Variants in DCP1B observed in about 807,000 individuals in gnomAD.
The protein encoded by DCP1B is decapping mRNA 1B, also known as mRNA-decapping enzyme 1B.
DCP1B carries 47 observed loss-of-function variants against 60.5 expected under a neutral mutation model. The observed-to-expected ratio is 0.78, with a 90% CI of 0.61 to 0.99. DCP1B has a LOEUF of 0.99. Among genes scored for constraint, DCP1B ranks in the 50% least tolerant of loss-of-function variants. The pLI is 0.00. For missense variants in DCP1B, 725 were observed against 756.8 expected (o/e 0.96, Z 0.49); for synonymous variants, 267 against 280.3 (o/e 0.95, Z 0.47).
intron 6 of DCP1B, 83 bp from the exon 7 acceptor site, chr12:1,953,371 T>A: frequency 7.3e-7 from 1 of 1,377,222 alleles, no homozygotes; most frequent in Non-Finnish European, 9.7e-7. Context: ...ACTTATCTGA[T>A]GACTTATTCT....
intron 6 of DCP1B, among the ~76,000 whole-genome samples, chr12:1,954,642 T>C (rs113973903): frequency 0.027 from 4,139 of 152,120 alleles, 95 homozygotes; most frequent in Middle Eastern, 0.055. Flanking sequence ...TTTTATACCA[T>C]TCCTTTGGAC....
chr12:2,004,177 G>A lies in DCP1B; in HGVS notation c.150+105C>T, dbSNP rs775960462. The A allele has an allele frequency of 4.7e-6, 7 of 1,501,366 alleles. No individual in the cohort carries two copies. The African/African-American group carries it at 9.7e-5, about 21-fold the overall frequency. The allele number at this position is 1,501,366 out of a possible 1,614,324, so 93.0% of individuals were successfully genotyped here. On this transcript the variant is annotated intron_variant, in intron 1 of 8. Transcript: ENST00000280665. The stretch of plus-strand genomic sequence containing the variant: ...GTCCCCAGATCCACCCACTTCCAGG[G>A]CGTCAACGTCTCCTCCCCCTCACCG...
intron 1 of DCP1B, among the ~76,000 whole-genome samples, chr12:1,998,944 T>TA (rs751702369): frequency 1.7e-4 from 26 of 152,272 alleles, no homozygotes; most frequent in Non-Finnish European, 2.9e-4. Flanking sequence ...TACGCCCTTT[T>TA]AAAAAAAGCG....
rs549248653 is a variant in DCP1B at position 1,954,892 on chromosome 12, T to G, written c.651+540A>C. On this transcript the variant is annotated intron_variant, in intron 6 of 8. Transcript: ENST00000280665. ...TGTTTTTGTTTTCTGAGACATGGTC[T>G]TGCTTTCTTGCCCAGGCTGGAGTGC... 9.8e-5 allele frequency among the ~76,000 whole-genome samples: 15 copies of G among 152,338 alleles called. No individual in the cohort carries two copies. The East Asian group carries it at 1.7e-3, about 18-fold the overall frequency.
intron 2 of DCP1B, among the ~76,000 whole-genome samples, chr12:1,997,533 A>G (rs2041231816): frequency 6.6e-6 from 1 of 152,240 alleles, no homozygotes; most frequent in South Asian, 2.1e-4. Flanking sequence ...TCTCAAAAAA[A>G]AGAAAAATGA....
chr12:2,004,438 T>A lies in DCP1B; in HGVS notation c.-7A>T, dbSNP rs1565896999. ...CTGCCGCCACGGCTGCCATCTTCCC[T>A]CCCTCCCAGACATAGGCACGGGGCT... On this transcript the variant is annotated 5_prime_UTR_variant, in exon 1 of 9. Transcript: ENST00000280665. The A allele has an allele frequency of 6.2e-7, 1 of 1,605,234 alleles. No homozygotes were observed. Among genetic ancestry groups the A allele is most frequent in the South Asian group, 1.1e-5 (1 of 89,644 alleles).
intron 7 of DCP1B, chr12:1,950,325 G>A (rs993347816): frequency 2.1e-5 from 15 of 702,276 alleles, no homozygotes; most frequent in Admixed American, 1.2e-4. Flanking sequence ...TGAGCACAGC[G>A]TGGGCTGCTG....
chr12:1,943,274 A>G (rs574349145), downstream of DCP1B, among the ~76,000 whole-genome samples: 4 of 152,224 alleles, frequency 2.6e-5, no homozygotes, highest in Non-Finnish European at 4.4e-5. Flanking sequence ...GAATAGGCCA[A>G]TAACAAGTTC....
At chr12:1,999,255 ACT>A (rs2041631836) in intron 1 of DCP1B, among the ~76,000 whole-genome samples, 1 of 152,106 alleles carries the variant, frequency 6.6e-6, no homozygotes, top group African/African-American at 2.4e-5. Flanking sequence ...TCAACAACAT[ACT>A]CTCTGCCCAT....
At chr12:1,951,999 G>A (rs927077123) in intron 7 of DCP1B, among the ~76,000 whole-genome samples, 3 of 152,220 alleles carry the variant, frequency 2.0e-5, no homozygotes, top group African/African-American at 4.8e-5. Flanking sequence ...GTTGGGGGAA[G>A]TTCTCAGATT....
intron 3 of DCP1B, chr12:1,992,461 AC>A (rs1189346588): frequency 6.5e-6 from 1 of 153,328 alleles, no homozygotes. Context: ...ACATTTCTTC[AC>A]TGCAAGGTCT....
rs140938599 is a variant in DCP1B, at chr12:1,959,371, C to T, written c.523-3811G>A. Among the ~76,000 whole-genome samples the T allele has an allele frequency of 4.7e-3, 710 of 152,268 alleles. 4 individuals carry two copies. The highest frequency in any genetic ancestry group is 7.1e-3 in the Non-Finnish European group (481 of 68,032). On this transcript the variant is annotated intron_variant, in intron 5 of 8. Transcript: ENST00000280665. ...TCATGTCCAAAGTAGATAAGGAACT[C>T]AAACAACTCAACAGTAAGAAAAGAA...
chr12:1,999,347 T>A (rs4765872), intron 1 of DCP1B, among the ~76,000 whole-genome samples: 1 of 152,212 alleles, frequency 6.6e-6, no homozygotes, highest in Non-Finnish European at 1.5e-5. Context: ...TAAATGGCTA[T>A]AAAAAATCAT....
At chr12:1,995,536 C>T (rs979696333) in intron 2 of DCP1B, among the ~76,000 whole-genome samples, 23 of 152,240 alleles carry the variant, frequency 1.5e-4, no homozygotes, top group African/African-American at 5.5e-4. Flanking sequence ...AAGAACCTGA[C>T]CTCCTTGTCA....
chr12:1,980,011 T>TA (rs2035639189), intron 3 of DCP1B, among the ~76,000 whole-genome samples: 1 of 152,148 alleles, frequency 6.6e-6, no homozygotes, highest in African/African-American at 2.4e-5. Flanking sequence ...TGGGAAGTCT[T>TA]AGACATTATT....
At chr12:1,985,849 C>T (rs954234390) in intron 3 of DCP1B, among the ~76,000 whole-genome samples, 43 of 152,170 alleles carry the variant, frequency 2.8e-4, no homozygotes, top group African/African-American at 7.7e-4. Flanking sequence ...CTCCCTCTGT[C>T]GCCCAGGCTG....
chr12:1,949,027 T>C (rs2030549102), intron 8 of DCP1B, 59 bp downstream of exon 8: 1 of 1,579,012 alleles, frequency 6.3e-7, no homozygotes, highest in Admixed American at 1.7e-5. Context: ...ATCTCATAGT[T>C]GCAGCCAGGA....
Position 1,949,140 on chromosome 12 carries a change from G to A in DCP1B, c.1719C>T (p.Thr573=), listed in dbSNP as rs563243871. The A allele has an allele frequency of 6.2e-7, 1 of 1,614,104 alleles. No homozygotes were observed. The highest frequency in any genetic ancestry group is 1.7e-5 in the Admixed American group (1 of 60,022). The change falls in exon 8 of 9, where the codon ACC becomes ACT. Residue 573 remains threonine (T), a synonymous_variant. Transcript: ENST00000280665. ...PIQSPEPSVI[T]SSPLTKLQLQ... is the part of the protein sequence containing the mutation. Reference sequence around the variant, plus strand: ...GCTGGAGCTTGGTGAGTGGGCTGCTGGTGATCACGGAGGGCTCCGGGCTCT... The same window carrying A: ...GCTGGAGCTTGGTGAGTGGGCTGCTAGTGATCACGGAGGGCTCCGGGCTCT...
chr12:1,950,536 T>C (rs1016279080), intron 7 of DCP1B, among the ~76,000 whole-genome samples: 3 of 152,230 alleles, frequency 2.0e-5, no homozygotes, highest in Non-Finnish European at 4.4e-5. Context: ...ATATTGTTTC[T>C]ATAGCAGTCG....
Sources: allele counts gnomAD v4.1 joint callset (sites outside exome capture counted in the v4.1 genomes callset), GRCh38; gene constraint gnomAD v4.1.1; transcripts MANE v1.5; gene names NCBI Gene and HGNC (gene_info 2026-07-23, HGNC 2026-07-21).